Variants in TENM4 observed in about 807,000 individuals in gnomAD.
The protein encoded by TENM4 is teneurin transmembrane protein 4.
In TENM4, 82 loss-of-function variants were observed where a neutral mutation model predicts 243.3. The ratio of observed to expected loss-of-function variants is 0.34; its 90% CI spans 0.28 to 0.40. TENM4 has a LOEUF of 0.40. TENM4 is among the 10% of genes least tolerant of loss of function. The probability of loss-of-function intolerance (pLI) is 1.00; values close to 1 mark genes in which losing one functional copy is unlikely to be tolerated. For synonymous variants in TENM4, 1,412 were observed against 1,456.3 expected (o/e 0.97, Z 0.69); for missense variants, 3,138 against 3,673.3 (o/e 0.85, Z 3.77).
chr11:79,160,431 A>T (rs775264107), intron 3 of TENM4, among the ~76,000 whole-genome samples: 1 of 152,182 alleles, frequency 6.6e-6, no homozygotes, highest in East Asian at 1.9e-4. Context: ...TATTCCTGGC[A>T]GTCAGAGCTC....
intron 1 of TENM4, among the ~76,000 whole-genome samples, chr11:79,410,961 A>G (rs1451417374): frequency 6.6e-6 from 1 of 152,046 alleles, no homozygotes; most frequent in African/African-American, 2.4e-5. Flanking sequence ...ACACATACAC[A>G]CACACACACA....
intron 2 of TENM4, among the ~76,000 whole-genome samples, chr11:79,279,933 T>C (rs2135361866): frequency 6.6e-6 from 1 of 152,296 alleles, no homozygotes; most frequent in South Asian, 2.1e-4. Flanking sequence ...ATTAGTGCCT[T>C]ATAAAAGGGG....
chr11:79,400,099 CCACACACACACACACACACA>C (rs71050221), intron 1 of TENM4, among the ~76,000 whole-genome samples: 28 of 140,674 alleles, frequency 2.0e-4, no homozygotes, highest in African/African-American at 5.6e-4. Flanking sequence ...TAAACACACA[CCACACACACACACACACACA>C]CACACACACA....
At chr11:78,934,231 T>C (rs1236417897) in intron 6 of TENM4, among the ~76,000 whole-genome samples, 2 of 152,192 alleles carry the variant, frequency 1.3e-5, no homozygotes, top group Non-Finnish European at 2.9e-5. Flanking sequence ...ACGCATTCAT[T>C]TGTTCATCTT....
intron 6 of TENM4, chr11:78,924,817 A>G (rs1856519896): frequency 6.6e-6 from 1 of 152,228 alleles, no homozygotes; most frequent in African/African-American, 2.4e-5. Flanking sequence ...ATGTATCACT[A>G]TACTAATAGA....
chr11:79,157,036 A>T (rs749664279), intron 3 of TENM4, among the ~76,000 whole-genome samples: 1 of 152,138 alleles, frequency 6.6e-6, no homozygotes, highest in African/African-American at 2.4e-5. Context: ...AATGAGTGAG[A>T]TGGGTTGAGA....
At chr11:79,216,370 G>T (rs1347463093) in intron 2 of TENM4, among the ~76,000 whole-genome samples, 1 of 152,178 alleles carries the variant, frequency 6.6e-6, no homozygotes, top group Non-Finnish European at 1.5e-5. Flanking sequence ...TGCAACATGG[G>T]GCTAAGGTCT....
chr11:78,878,853 T>A (rs923177573), intron 9 of TENM4, among the ~76,000 whole-genome samples: 1 of 152,216 alleles, frequency 6.6e-6, no homozygotes, highest in Non-Finnish European at 1.5e-5. Flanking sequence ...CACAAAGATG[T>A]TTACAGAAGT....
chr11:79,224,503 A>T (rs75160011), intron 2 of TENM4, among the ~76,000 whole-genome samples: 179 of 152,282 alleles, frequency 1.2e-3, no homozygotes, highest in African/African-American at 4.2e-3. Context: ...TTATGGGTTG[A>T]ATTGTATCCT....
intron 1 of TENM4, among the ~76,000 whole-genome samples, chr11:79,301,753 G>C (rs185880619): frequency 6.6e-6 from 1 of 152,270 alleles, no homozygotes; most frequent in Admixed American, 6.5e-5. Flanking sequence ...TCTTAGTACT[G>C]TTCTCTTGAT....
chr11:79,434,923 T>A (rs1184995788), intron 1 of TENM4, among the ~76,000 whole-genome samples: 5 of 151,816 alleles, frequency 3.3e-5, no homozygotes, highest in Non-Finnish European at 7.4e-5. Flanking sequence ...TAAAAAAAAA[T>A]AAACACAAAG....
At chr11:78,784,438 C>G (rs746362450) in intron 16 of TENM4, among the ~76,000 whole-genome samples, 4 of 151,996 alleles carry the variant, frequency 2.6e-5, no homozygotes, top group African/African-American at 9.7e-5. Context: ...CTCATGGGGA[C>G]GCAGCTGGCC....
intron 12 of TENM4, among the ~76,000 whole-genome samples, chr11:78,819,554 ACCTGC>A (rs1411843779): frequency 6.6e-6 from 1 of 152,144 alleles, no homozygotes; most frequent in African/African-American, 2.4e-5. Context: ...GCATGGGCAT[ACCTGC>A]CTCTTGCCTT....
chr11:78,710,473 C>G (rs1471440088), intron 26 of TENM4, among the ~76,000 whole-genome samples: 1 of 152,224 alleles, frequency 6.6e-6, no homozygotes, highest in African/African-American at 2.4e-5. Context: ...GAGGACCAGG[C>G]AGCCTCAAGG....
At chr11:78,744,688 T>C (rs1027591655) in intron 19 of TENM4, among the ~76,000 whole-genome samples, 1 of 152,242 alleles carries the variant, frequency 6.6e-6, no homozygotes, top group Admixed American at 6.5e-5. Context: ...GTAAACATTT[T>C]TGAGCAGGCT....
intron 1 of TENM4, among the ~76,000 whole-genome samples, chr11:79,392,481 C>G (rs528657663): frequency 1.3e-5 from 2 of 152,314 alleles, no homozygotes; most frequent in South Asian, 4.2e-4. Context: ...AAAGGAAAGT[C>G]GCAGGGAGAA....
chr11:78,838,778 A>C (rs1014938149), intron 12 of TENM4, among the ~76,000 whole-genome samples: 2 of 152,142 alleles, frequency 1.3e-5, no homozygotes, highest in African/African-American at 4.8e-5. Flanking sequence ...TTTTAAGGGA[A>C]GCCATAAACC....
chr11:79,307,045 A>G (rs749547240), intron 1 of TENM4, among the ~76,000 whole-genome samples: 7 of 152,218 alleles, frequency 4.6e-5, no homozygotes, highest in Non-Finnish European at 8.8e-5. Context: ...AAGTAAAATC[A>G]ACCACTATCA....
chr11:78,980,695 A>C (rs1214289085), intron 6 of TENM4, among the ~76,000 whole-genome samples: 1 of 152,194 alleles, frequency 6.6e-6, no homozygotes, highest in Non-Finnish European at 1.5e-5. Flanking sequence ...AACCGTGGGC[A>C]AAGTTTTAGT....
Sources: allele counts gnomAD v4.1 joint callset (sites outside exome capture counted in the v4.1 genomes callset), GRCh38; gene constraint gnomAD v4.1.1; transcripts MANE v1.5; gene names NCBI Gene and HGNC (gene_info 2026-07-23, HGNC 2026-07-21).